The following FUT9 variants were observed in gnomAD, a reference collection of about 807,000 sequenced individuals.
The protein encoded by FUT9 is fucosyltransferase 9, also known as 4-galactosyl-N-acetylglucosaminide 3-alpha-L-fucosyltransferase 9.
Under a neutral mutation model 29.7 loss-of-function variants are expected in FUT9, and 15 were observed. The observed-to-expected ratio is 0.51, with a 90% CI of 0.34 to 0.78. The LOEUF (loss-of-function observed/expected upper bound fraction) is 0.78. Among genes scored for constraint, FUT9 ranks in the 30% least tolerant of loss-of-function variants. The probability of loss-of-function intolerance (pLI) is 0.01; values close to 1 mark genes in which losing one functional copy is unlikely to be tolerated. For synonymous variants in FUT9, 169 were observed against 153.7 expected (o/e 1.10, Z -0.74); for missense variants, 319 against 425.4 (o/e 0.75, Z 2.20).
At chr6:96,130,090 G>A (rs1422609250) in intron 2 of FUT9, among the ~76,000 whole-genome samples, 1 of 151,734 alleles carries the variant, frequency 6.6e-6, no homozygotes, top group Admixed American at 6.6e-5. Context: ...TGGGAGAGGG[G>A]GTACGAATCT....
intron 1 of FUT9, among the ~76,000 whole-genome samples, chr6:96,074,086 G>A (rs970211968): frequency 6.6e-6 from 1 of 152,076 alleles, no homozygotes; most frequent in Non-Finnish European, 1.5e-5. Flanking sequence ...GATGATTCCA[G>A]TTCTAAAAAC....
At chr6:96,042,427 A>C (rs1179519526) in intron 1 of FUT9, among the ~76,000 whole-genome samples, 1 of 152,234 alleles carries the variant, frequency 6.6e-6, no homozygotes, top group Admixed American at 6.5e-5. Context: ...AGAATTTAAA[A>C]GAATTTAAAA....
At chr6:96,073,482 G>A (rs1264220389) in intron 1 of FUT9, among the ~76,000 whole-genome samples, 1 of 150,970 alleles carries the variant, frequency 6.6e-6, no homozygotes, top group African/African-American at 2.4e-5. Context: ...AAAAGATAAA[G>A]GATGGTATTA....
intron 1 of FUT9, among the ~76,000 whole-genome samples, chr6:96,023,960 TG>T (rs1280290904): frequency 2.6e-5 from 4 of 152,050 alleles, no homozygotes; most frequent in Admixed American, 2.0e-4. Flanking sequence ...TTCCCAATTG[TG>T]ATAATCTCCC....
At chr6:96,032,408 A>C (rs573675052) in intron 1 of FUT9, among the ~76,000 whole-genome samples, 1 of 151,666 alleles carries the variant, frequency 6.6e-6, no homozygotes, top group South Asian at 2.1e-4. Context: ...TTTTTTTCGC[A>C]TAATACATGT....
chr6:96,049,588 T>C (rs1412999804), intron 1 of FUT9, among the ~76,000 whole-genome samples: 1 of 152,168 alleles, frequency 6.6e-6, no homozygotes, highest in Non-Finnish European at 1.5e-5. Context: ...TTAATACTCA[T>C]CCATTTGTAT....
chr6:96,173,369 GAGAGA>G lies in FUT9; in HGVS notation c.-8-29772_-8-29768del, dbSNP rs767675256. Among the ~76,000 whole-genome samples, 4 of 152,214 alleles carry G rather than the reference GAGAGA, an allele frequency of 2.6e-5. No homozygotes were observed. The South Asian group carries it at 6.2e-4, about 24-fold the overall frequency. On this transcript the variant is annotated intron_variant, in intron 2 of 2. Coordinates refer to ENST00000302103, the MANE Select transcript of FUT9 (RefSeq NM_006581.4). ...TTCTCCACTAAAATGTTAGCTACAT[GAGAGA>G]AGAGAACTTTTCCATCTTTACCTGC...
At chr6:96,110,803 G>A (rs889895691) in intron 1 of FUT9, among the ~76,000 whole-genome samples, 3 of 21,098 alleles carry the variant, frequency 1.4e-4, no homozygotes, top group Non-Finnish European at 3.4e-4. Context: ...CTACAGGTAT[G>A]CACAAATGTG....
At chr6:96,187,971 C>T (rs569886101) in intron 2 of FUT9, among the ~76,000 whole-genome samples, 1 of 152,116 alleles carries the variant, frequency 6.6e-6, no homozygotes. Flanking sequence ...ATCATTAATC[C>T]TTGATGTTCC....
At chr6:96,070,737 CATT>C (rs1325336946) in intron 1 of FUT9, among the ~76,000 whole-genome samples, 5 of 152,010 alleles carry the variant, frequency 3.3e-5, no homozygotes, top group Non-Finnish European at 7.4e-5. Flanking sequence ...CATGGAAAAT[CATT>C]ATTATAAAAT....
chr6:96,176,223 CTCATACTGTGGGATT>C (rs1422168414), intron 2 of FUT9, among the ~76,000 whole-genome samples: 1 of 152,084 alleles, frequency 6.6e-6, no homozygotes, highest in Non-Finnish European at 1.5e-5. Flanking sequence ...GCCTGTGGAC[CTCATACTGTGGGATT>C]TCAGCCCTCC....
intron 1 of FUT9, among the ~76,000 whole-genome samples, chr6:96,096,942 T>C (rs55840527): frequency 0.26 from 40,079 of 151,970 alleles, 6,238 homozygotes; most frequent in Non-Finnish European, 0.34. Context: ...ACTGAATATC[T>C]CTGGTGTTAG....
chr6:96,156,585 C>G (rs766681343), intron 2 of FUT9, among the ~76,000 whole-genome samples: 2 of 152,142 alleles, frequency 1.3e-5, no homozygotes, highest in East Asian at 3.9e-4. Context: ...CCCATTCCCC[C>G]TAGCGTGCAT....
At chr6:96,114,651 T>C (rs1771876716) in intron 2 of FUT9, among the ~76,000 whole-genome samples, 1 of 151,380 alleles carries the variant, frequency 6.6e-6, no homozygotes, top group Admixed American at 6.6e-5. Context: ...ATTTATTTAA[T>C]AAGTTAAATA....
chr6:96,182,233 T>C (rs544152104), intron 2 of FUT9, among the ~76,000 whole-genome samples: 76 of 151,916 alleles, frequency 5.0e-4, no homozygotes, highest in African/African-American at 1.7e-3. Flanking sequence ...CTTTTGAGAA[T>C]TGTCTAGTAA....
intron 2 of FUT9, among the ~76,000 whole-genome samples, chr6:96,131,982 G>A (rs1006882774): frequency 1.3e-5 from 2 of 151,824 alleles, no homozygotes; most frequent in Admixed American, 6.6e-5. Flanking sequence ...TCATATGAAC[G>A]AGTCTCAGAG....
chr6:96,072,344 G>A (rs1410530357), intron 1 of FUT9, among the ~76,000 whole-genome samples: 1 of 152,118 alleles, frequency 6.6e-6, no homozygotes, highest in Non-Finnish European at 1.5e-5. Flanking sequence ...TATGGAAAAT[G>A]TGCATTAAAA....
At chr6:96,119,986 T>A (rs1326476804) in intron 2 of FUT9, among the ~76,000 whole-genome samples, 1 of 152,186 alleles carries the variant, frequency 6.6e-6, no homozygotes, top group Admixed American at 6.5e-5. Flanking sequence ...ATAGTAGGTA[T>A]AGGAGGCAAA....
At chr6:96,036,246 C>T (rs923231137) in intron 1 of FUT9, among the ~76,000 whole-genome samples, 4 of 150,848 alleles carry the variant, frequency 2.7e-5, no homozygotes, top group Non-Finnish European at 5.9e-5. Flanking sequence ...ACATAATTTT[C>T]ATCCAAGATG....
Sources: gnomAD v4.1 joint callset for allele counts (sites outside exome capture counted in the v4.1 genomes callset) on GRCh38, gnomAD v4.1.1 for gene constraint, MANE v1.5 for transcripts, NCBI Gene and HGNC (gene_info 2026-07-23, HGNC 2026-07-21) for gene names.